The following CDC16 variants were observed in gnomAD, a reference collection of about 807,000 sequenced individuals.
CDC16 encodes the protein cell division cycle 16.
A neutral mutation model predicts 87.0 loss-of-function variants in CDC16; 34 were observed. The ratio of observed to expected loss-of-function variants is 0.39; its 90% confidence interval spans 0.30 to 0.52. CDC16 has a LOEUF of 0.52. Ranked by LOEUF, CDC16 falls within the 20% of genes least tolerant of loss-of-function variation. The probability of loss-of-function intolerance (pLI) is 0.74; values close to 1 mark genes in which losing one functional copy is unlikely to be tolerated. For missense variants in CDC16, 653 were observed against 751.9 expected, an observed-to-expected ratio of 0.87 and a Z score of 1.54; for synonymous variants, 263 against 260.6, an observed-to-expected ratio of 1.01 and a Z score of -0.09.
intron 6 of CDC16, chr13:114,242,491 A>G (rs2081601886): frequency 3.8e-6 from 2 of 524,652 alleles, no homozygotes; most frequent in Non-Finnish European, 6.7e-6. Flanking sequence ...TGTGATAGGA[A>G]GAGGCCATCT....
rs1347270334 is a variant in CDC16, at chr13:114,243,842, T to TC, written c.634-13dup. The TC allele has an allele frequency of 1.3e-6, 2 of 1,598,306 alleles. No homozygotes were observed. The highest frequency in any genetic ancestry group is 3.5e-5 in the Admixed American group (2 of 57,152). ...TGCTCATTGAGTTTATGTTTACATT[T>TC]CTATGTGTTTCAGTATAATAAGCCT... On this transcript the variant is annotated splice_polypyrimidine_tract_variant and intron_variant, in intron 7 of 17. Transcript: ENST00000356221.
chr13:114,246,092 TG>T, intron 10 of CDC16, 43 bp downstream of exon 10: 5 of 900,400 alleles, frequency 5.6e-6, no homozygotes, highest in Non-Finnish European at 8.5e-6. Flanking sequence ...TTTTTTTACC[TG>T]TACTTTAAGA....
intron 10 of CDC16, 40 bp downstream of exon 10, chr13:114,246,089 A>G (rs1334884625): frequency 1.2e-6 from 1 of 813,728 alleles, no homozygotes; most frequent in South Asian, 1.7e-5. Context: ...TTTTTTTTTT[A>G]CCTGTACTTT....
chr13:114,272,611 A>T lies in CDC16; in HGVS notation c.*168A>T, dbSNP rs1341955616. 4 of 546,700 alleles carry T rather than the reference A, an allele frequency of 7.3e-6. No homozygotes were observed. The highest frequency in any genetic ancestry group is 1.3e-5 in the Non-Finnish European group (4 of 313,554). 33.9% of individuals were successfully genotyped at this position (546,700 alleles called of 1,614,324 possible). ...ACTGGATCGCACACCTTTGCAACAG[A>T]TGTGTTCTGATTCTCTGAACCTACA... On this transcript the variant is annotated 3_prime_UTR_variant, in exon 18 of 18. Coordinates refer to ENST00000356221, the MANE Select transcript of CDC16 (RefSeq NM_001078645.3).
intron 5 of CDC16, 60 bp from the exon 6 acceptor site, chr13:114,242,061 A>G (rs2081578773): frequency 1.9e-6 from 3 of 1,541,116 alleles, no homozygotes; most frequent in Non-Finnish European, 1.7e-6. Context: ...CTAAGGAGAA[A>G]AAAAAAAAGT....
intron 10 of CDC16, among the ~76,000 whole-genome samples, chr13:114,246,308 T>A (rs919093809): frequency 5.3e-5 from 8 of 152,236 alleles, no homozygotes; most frequent in Non-Finnish European, 1.2e-4. Flanking sequence ...ATGCTTATTT[T>A]AAAATACTTA....
intron 12 of CDC16, among the ~76,000 whole-genome samples, chr13:114,254,809 A>C (rs1355777460): frequency 1.3e-5 from 2 of 152,222 alleles, no homozygotes; most frequent in Non-Finnish European, 2.9e-5. Context: ...GGTTCAGGCC[A>C]TGATGGGAAG....
At chr13:114,267,563 G>C (rs60460639) in intron 17 of CDC16, among the ~76,000 whole-genome samples, 2,792 of 152,216 alleles carry the variant, frequency 0.018, 53 homozygotes, top group African/African-American at 0.049. Context: ...TATTTTACAT[G>C]CTTAAAACCT....
rs2081177041 is a variant in CDC16, at chr13:114,235,106, A to C, written c.22A>C (p.Lys8Gln). ...CGCCATGAACCTAGAGCGGCTGCGG[A>C]AGCGCGTCCGGCAGTACCTCGACCA... is the stretch of plus-strand genomic sequence containing the variant. MNLERLR[K>Q]RVRQYLDQQQ... The change falls in exon 1 of 18, where the codon AAG becomes CAG. Residue 8 changes from lysine to glutamine, a missense_variant. Physicochemically the swap from Lys to Gln is moderately conservative, Grantham distance 53. Coordinates refer to ENST00000356221, the MANE Select transcript of CDC16 (RefSeq NM_001078645.3). 2 of 1,245,778 alleles carry C rather than the reference A, an allele frequency of 1.6e-6. No individual in the cohort carries two copies. The highest frequency in any genetic ancestry group is 6.3e-5 in the East Asian group (2 of 31,812). 77.2% of individuals were successfully genotyped at this position (1,245,778 alleles called of 1,614,324 possible). A position where few individuals can be genotyped will look rare whatever the true frequency, so the allele number is the denominator to read the frequency against.
intron 13 of CDC16, 64 bp downstream of exon 13, chr13:114,257,294 C>A: frequency 1.4e-5 from 14 of 1,022,828 alleles, no homozygotes; most frequent in South Asian, 2.1e-5. Flanking sequence ...TAGGTGATCA[C>A]TAGAGTTCAC....
At chr13:114,268,198 C>T (rs1053921) in intron 17 of CDC16, among the ~76,000 whole-genome samples, 1 of 152,098 alleles carries the variant, frequency 6.6e-6, no homozygotes, top group Non-Finnish European at 1.5e-5. Flanking sequence ...CAGCTCATGC[C>T]TGCAAATGAA....
rs1476460986 is a variant in CDC16, at chr13:114,234,956, C to CTGGG, written c.-129_-128insTGGG. ...GGTGGGGACCTGCGGCCTTCGAGTC[C>CTGGG]GCGGCCTTCGAGTCCTGGGGCGGCG... is the stretch of plus-strand genomic sequence containing the variant. On this transcript the variant is annotated 5_prime_UTR_variant, in exon 1 of 18. Coordinates refer to ENST00000356221, the MANE Select transcript of CDC16 (RefSeq NM_001078645.3). 44 of 610,626 alleles carry CTGGG rather than the reference C, an allele frequency of 7.2e-5. No individual in the cohort carries two copies. Among genetic ancestry groups the CTGGG allele is most frequent in the South Asian group, 5.5e-4 (8 of 14,546 alleles). 37.8% of individuals were successfully genotyped at this position (610,626 alleles called of 1,614,324 possible). A position where few individuals can be genotyped will look rare whatever the true frequency, so the allele number is the denominator to read the frequency against.
At chr13:114,258,515 A>G (rs984948042) in intron 13 of CDC16, among the ~76,000 whole-genome samples, 1 of 152,204 alleles carries the variant, frequency 6.6e-6, no homozygotes, top group African/African-American at 2.4e-5. Flanking sequence ...AATGCTATCT[A>G]GTGTTAATTG....
chr13:114,238,228 G>T (rs1321877845), intron 3 of CDC16, among the ~76,000 whole-genome samples: 3 of 148,590 alleles, frequency 2.0e-5, no homozygotes, highest in Non-Finnish European at 4.4e-5. Context: ...GAGCTGCTGC[G>T]ATCTCCTCGG....
At chr13:114,263,845 C>T (rs545381544) in intron 16 of CDC16, among the ~76,000 whole-genome samples, 1 of 152,190 alleles carries the variant, frequency 6.6e-6, no homozygotes, top group Non-Finnish European at 1.5e-5. Context: ...GGTTTGTGAT[C>T]TAGTCTGTGC....
chr13:114,262,788 GT>G, intron 15 of CDC16, 90 bp from the exon 16 acceptor site: 1 of 1,289,320 alleles, frequency 7.8e-7, no homozygotes, highest in Non-Finnish European at 1.1e-6. Flanking sequence ...TTGAGACAGC[GT>G]TTCTTGGGTG....
chr13:114,261,979 A>G lies in CDC16; in HGVS notation c.1376+31A>G, dbSNP rs759921050. 5.8e-6 allele frequency: 8 copies of G among 1,380,086 alleles called. No individual in the cohort carries two copies. In the Admixed American group the frequency reaches 1.1e-4, roughly 20 times the overall value. The allele number at this position is 1,380,086 out of a possible 1,614,324, so 85.5% of individuals were successfully genotyped here. ...TGAAGTAGAGCATTTTCAGAAATAT[A>G]CTTTGTGTCTCAAAGTTTACTTAAT... On this transcript the variant is annotated intron_variant, in intron 15 of 17. Coordinates refer to ENST00000356221, the MANE Select transcript of CDC16 (RefSeq NM_001078645.3).
At chr13:114,257,278 A>T in intron 13 of CDC16, 48 bp downstream of exon 13, 2 of 1,375,624 alleles carry the variant, frequency 1.5e-6, no homozygotes, top group Non-Finnish European at 2.0e-6. Context: ...GTGATTGTAA[A>T]TACAGTAGGT....
intron 12 of CDC16, among the ~76,000 whole-genome samples, chr13:114,254,833 C>T (rs1002193966): frequency 1.3e-5 from 2 of 152,192 alleles, no homozygotes; most frequent in Non-Finnish European, 2.9e-5. Flanking sequence ...GGGTCCAACA[C>T]TCCTCTTTAC....
Sources: allele counts gnomAD v4.1 joint callset (sites outside exome capture counted in the v4.1 genomes callset), GRCh38; gene constraint gnomAD v4.1.1; transcripts MANE v1.5; gene names NCBI Gene and HGNC (gene_info 2026-07-23, HGNC 2026-07-21).